The following SYCP2L variants were observed in gnomAD, a reference collection of about 807,000 sequenced individuals.
SYCP2L encodes synaptonemal complex protein 2 like, also known as synaptonemal complex protein 2-like.
Under a neutral mutation model 125.8 loss-of-function variants are expected in SYCP2L, and 98 were observed. The observed-to-expected ratio is 0.78, with a 90% CI of 0.66 to 0.92. The LOEUF (loss-of-function observed/expected upper bound fraction) is 0.92, where lower values mean the gene tolerates loss of function less well. Among genes scored for constraint, SYCP2L ranks in the 40% least tolerant of loss-of-function variants. The pLI is 0.00. For synonymous variants in SYCP2L, 317 were observed against 325.4 expected (o/e 0.97, Z 0.28); for missense variants, 842 against 936.4 (o/e 0.90, Z 1.32).
At chr6:10,888,347 G>T (rs750621907) in intron 1 of SYCP2L, among the ~76,000 whole-genome samples, 1 of 151,782 alleles carries the variant, frequency 6.6e-6, no homozygotes, top group Non-Finnish European at 1.5e-5. Context: ...TGCCCGCTTC[G>T]GCCTCCCAAA....
chr6:10,944,361 ATCT>A (rs1168687804), intron 23 of SYCP2L, among the ~76,000 whole-genome samples: 2 of 152,184 alleles, frequency 1.3e-5, no homozygotes, highest in African/African-American at 4.8e-5. Context: ...CTATAGAATT[ATCT>A]TCTTATATTG....
chr6:10,936,555 A>G (rs1781098657), intron 21 of SYCP2L, among the ~76,000 whole-genome samples: 1 of 152,192 alleles, frequency 6.6e-6, no homozygotes, highest in Non-Finnish European at 1.5e-5. Context: ...AAGTTACTAC[A>G]AAAGAGTAAC....
At chr6:10,938,537 G>C (rs1386798915) in intron 21 of SYCP2L, among the ~76,000 whole-genome samples, 2 of 152,114 alleles carry the variant, frequency 1.3e-5, no homozygotes, top group African/African-American at 2.4e-5. Flanking sequence ...GTTTAACATA[G>C]TACTGGAAGT....
rs529185874 is a variant in SYCP2L at position 10,893,903 on chromosome 6, G to A, written c.115G>A (p.Gly39Arg). 4 of 1,610,054 alleles carry A rather than the reference G, an allele frequency of 2.5e-6. No individual in the cohort carries two copies. Among genetic ancestry groups the A allele is most frequent in the East Asian group, 2.2e-5 (1 of 44,784 alleles). Reference sequence around the variant, plus strand: ...TATTACGGATGCATTCCATGATAAAGGATTTCAGAAAATAAAAGAATACTT... The same window carrying A: ...TATTACGGATGCATTCCATGATAAAAGATTTCAGAAAATAAAAGAATACTT... ...SLITDAFHDK[G>R]FQKIKEYFQQ... The change falls in exon 3 of 30, where the codon GGA (glycine) becomes AGA (arginine). Residue 39 changes from glycine to arginine, a missense_variant. Physicochemically the swap from Gly to Arg is moderately radical, Grantham distance 125 (BLOSUM62 -2). Coordinates refer to ENST00000283141, the MANE Select transcript of SYCP2L (RefSeq NM_001040274.3).
rs868475835 is a variant in SYCP2L, at chr6:10,897,412, T to C, written c.337-599T>C. 2.5e-3 allele frequency among the ~76,000 whole-genome samples: 11 copies of C among 4,384 alleles called. No homozygotes were observed. In the South Asian group the frequency reaches 0.14, roughly 56 times the overall value. The allele number at this position is 4,384 out of a possible 152,430, so 2.9% of individuals were successfully genotyped here. ...GTGCTGGGGAGGCTCACTTATCTCT[T>C]TTTTTTTTTTTTTTGGAGGTGGGGT... On this transcript the variant is annotated intron_variant, in intron 4 of 29. Transcript: ENST00000283141.
chr6:10,942,637 G>T, intron 22 of SYCP2L, 40 bp from the exon 23 acceptor site: 1 of 1,608,328 alleles, frequency 6.2e-7, no homozygotes. Flanking sequence ...TTCTTGCTTT[G>T]CCATAAAGGA....
rs920491116 is a variant in SYCP2L, at chr6:10,934,980, T to C, written c.1684-78T>C. 3.1e-6 allele frequency: 4 copies of C among 1,294,668 alleles called. No homozygotes were observed. In the African/African-American group the frequency reaches 4.6e-5, roughly 15 times the overall value. 80.2% of individuals were successfully genotyped at this position (1,294,668 alleles called of 1,614,324 possible). A position where few individuals can be genotyped will look rare whatever the true frequency, so the allele number is the denominator to read the frequency against. ...AATACTTAAGCTTCTTAAAGTAATA[T>C]TGAAAATGTCTTACAATATTTTGAT... is the stretch of plus-strand genomic sequence containing the variant. On this transcript the variant is annotated intron_variant, in intron 20 of 29. Coordinates refer to ENST00000283141, the MANE Select transcript of SYCP2L (RefSeq NM_001040274.3).
chr6:10,956,085 T>G, intron 24 of SYCP2L, 51 bp from the exon 25 acceptor site: 1 of 1,446,150 alleles, frequency 6.9e-7, no homozygotes, highest in East Asian at 2.3e-5. Flanking sequence ...TGAGCAAGTC[T>G]ACTTTGAACA....
At chr6:10,907,078 T>C (rs1013252733) in intron 9 of SYCP2L, among the ~76,000 whole-genome samples, 1 of 152,060 alleles carries the variant, frequency 6.6e-6, no homozygotes, top group African/African-American at 2.4e-5. Flanking sequence ...GCATGGTGGC[T>C]CATGCCTACA....
At chr6:10,936,218 C>G (rs1167546787) in intron 21 of SYCP2L, among the ~76,000 whole-genome samples, 2 of 150,714 alleles carry the variant, frequency 1.3e-5, no homozygotes, top group African/African-American at 2.5e-5. Context: ...TAAAAGGGGT[C>G]AGGCGCAGTG....
intron 4 of SYCP2L, among the ~76,000 whole-genome samples, chr6:10,895,380 C>G (rs1227619007): frequency 6.6e-6 from 1 of 152,220 alleles, no homozygotes; most frequent in Non-Finnish European, 1.5e-5. Context: ...TGCCCCTGTA[C>G]CCTTTCCCCA....
At chr6:10,942,272 A>G (rs1304080225) in intron 21 of SYCP2L, among the ~76,000 whole-genome samples, 187 bp from the exon 22 acceptor site, 2 of 152,214 alleles carry the variant, frequency 1.3e-5, no homozygotes, top group African/African-American at 4.8e-5. Flanking sequence ...GTGCACATGT[A>G]CCCTAAAACT....
chr6:10,903,344 CG>C (rs1352535810), intron 8 of SYCP2L, among the ~76,000 whole-genome samples: 1 of 152,098 alleles, frequency 6.6e-6, no homozygotes, highest in Non-Finnish European at 1.5e-5. Flanking sequence ...GTCAGGAGAT[CG>C]AGACCATCCT....
intron 24 of SYCP2L, among the ~76,000 whole-genome samples, chr6:10,955,706 C>G (rs1478888286): frequency 6.6e-6 from 1 of 152,194 alleles, no homozygotes; most frequent in Non-Finnish European, 1.5e-5. Flanking sequence ...TATGAGCATG[C>G]AAGACTTATG....
In SYCP2L at chr6:10,893,982, G is replaced by A. The variant is rs766760782; in HGVS notation, c.194G>A (p.Arg65His). The change falls in exon 3 of 30, where the codon CGT becomes CAT. Residue 65 changes from arginine (R) to histidine (H), a missense_variant. By Grantham distance (29) the Arg-to-His change is conservative. Transcript: ENST00000283141. ...AAATATAATCGTCTTCTATTATACC[G>A]TCTTGACAGATCAATAAATAAGGCA... ...PQKYNRLLLY[R>H]LDRSINKELD... The A allele has an allele frequency of 9.3e-6, 15 of 1,608,160 alleles. No homozygotes were observed. Among genetic ancestry groups the A allele is most frequent in the Admixed American group, 3.4e-5 (2 of 58,456 alleles).
In SYCP2L at chr6:10,926,371, A is replaced by G. The variant is rs761632233; in HGVS notation, c.1251A>G (p.Glu417=). The change falls in exon 16 of 30, where the codon GAA becomes GAG. Residue 417 remains glutamate (E), a synonymous_variant. Transcript: ENST00000283141. ...CTGACCAGACGAAAATCTCCTCAGA[A>G]CTTTTTAGTAAGTCTGATAAAGAAG... is the stretch of plus-strand genomic sequence containing the variant. ...MLPDQTKISS[E]LFSKSDKEDR... is the part of the protein sequence containing the mutation. The G allele has an allele frequency of 6.2e-7, 1 of 1,613,936 alleles. No individual in the cohort carries two copies. Among genetic ancestry groups the G allele is most frequent in the African/African-American group, 1.3e-5 (1 of 74,988 alleles).
At chr6:10,944,911 G>A (rs553008830) in intron 23 of SYCP2L, among the ~76,000 whole-genome samples, 18 of 152,008 alleles carry the variant, frequency 1.2e-4, no homozygotes, top group African/African-American at 3.9e-4. Flanking sequence ...ACGGGGTTTC[G>A]CCATGTTGGC....
At chr6:10,911,125 C>T (rs1780599623) in intron 12 of SYCP2L, among the ~76,000 whole-genome samples, 1 of 152,106 alleles carries the variant, frequency 6.6e-6, no homozygotes, top group Non-Finnish European at 1.5e-5. Flanking sequence ...TACATGAGCA[C>T]AGTTACAGGA....
chr6:10,913,461 A>G (rs1256973788), intron 14 of SYCP2L, among the ~76,000 whole-genome samples: 6 of 152,134 alleles, frequency 3.9e-5, no homozygotes, highest in Admixed American at 3.3e-4. Context: ...TTTGATTTGC[A>G]TTCCCCTGAT....
Sources: gnomAD v4.1 joint callset for allele counts (sites outside exome capture counted in the v4.1 genomes callset) on GRCh38, gnomAD v4.1.1 for gene constraint, MANE v1.5 for transcripts, NCBI Gene and HGNC (gene_info 2026-07-23, HGNC 2026-07-21) for gene names.